ASH2L: variants seen among roughly 807,000 people sequenced by gnomAD.
ASH2L encodes the protein set1/Ash2 histone methyltransferase complex subunit ASH2.
Under a neutral mutation model 81.1 loss-of-function variants are expected in ASH2L, and 30 were observed. The ratio of observed to expected loss-of-function variants is 0.37; its 90% CI spans 0.28 to 0.50. The LOEUF (loss-of-function observed/expected upper bound fraction) is 0.50, where lower values mean the gene tolerates loss of function less well. ASH2L is among the 20% of genes least tolerant of loss of function. ASH2L has a pLI of 0.95. For missense variants in ASH2L, 559 were observed against 792.1 expected (o/e 0.71, Z 3.53); for synonymous variants, 273 against 279.9 (o/e 0.98, Z 0.24).
At chr8:38,116,624 T>A in intron 7 of ASH2L, 26 bp from the exon 8 acceptor site, 2 of 1,589,094 alleles carry the variant, frequency 1.3e-6, no homozygotes, top group Non-Finnish European at 8.6e-7. Context: ...CGTAGACTCC[T>A]TTTTTAATTG....
intron 7 of ASH2L, among the ~76,000 whole-genome samples, chr8:38,116,095 G>A: frequency 6.6e-6 from 1 of 152,122 alleles, no homozygotes; most frequent in East Asian, 1.9e-4. Flanking sequence ...AGGCATGGTG[G>A]CTCATGCCTG....
chr8:38,105,822 G>T lies in ASH2L; in HGVS notation c.188+84G>T, dbSNP rs1047964194. On this transcript the variant is annotated intron_variant, in intron 1 of 15. Transcript: ENST00000343823. ...CGCGGCTCCTGGAGCCCTGCCGCCC[G>T]CCCCCTGCGAACCCAGGCCCCGCCG... The T allele has an allele frequency of 2.1e-6, 3 of 1,456,876 alleles. No homozygotes were observed. In the African/African-American group the frequency reaches 4.4e-5, roughly 21 times the overall value. 90.2% of individuals were successfully genotyped at this position (1,456,876 alleles called of 1,614,324 possible).
At chr8:38,109,014 T>C (rs1470150667) in intron 3 of ASH2L, among the ~76,000 whole-genome samples, 2 of 151,776 alleles carry the variant, frequency 1.3e-5, no homozygotes, top group African/African-American at 4.8e-5. Context: ...CCCTGCAGGT[T>C]GAGGCTGCAG....
At chr8:38,138,168 T>A (rs1259476823) in intron 14 of ASH2L, 1 of 152,192 alleles carries the variant, frequency 6.6e-6, no homozygotes, top group Admixed American at 6.6e-5. Flanking sequence ...CAGTCCCAGC[T>A]ACTTGGGAAG....
intron 10 of ASH2L, among the ~76,000 whole-genome samples, chr8:38,128,051 A>AC (rs1035291212): frequency 1.6e-4 from 25 of 151,754 alleles, no homozygotes; most frequent in Non-Finnish European, 5.9e-5. Context: ...ATCTCAAAAA[A>AC]AAAAAGATAA....
chr8:38,118,039 A>G (rs1323296512), intron 8 of ASH2L, among the ~76,000 whole-genome samples: 4 of 152,248 alleles, frequency 2.6e-5, no homozygotes, highest in Non-Finnish European at 4.4e-5. Context: ...AGCTTGGGCA[A>G]CAGAGCAAGA....
intron 10 of ASH2L, among the ~76,000 whole-genome samples, chr8:38,121,455 C>G (rs897703671): frequency 6.7e-6 from 1 of 148,970 alleles, no homozygotes; most frequent in African/African-American, 2.5e-5. Context: ...TCTTTCTCAT[C>G]AAGCTTTTCC....
chr8:38,129,790 T>C (rs1026679428), intron 12 of ASH2L, among the ~76,000 whole-genome samples: 3 of 150,182 alleles, frequency 2.0e-5, no homozygotes, highest in African/African-American at 7.6e-5. Flanking sequence ...TTTTGCTGCA[T>C]ATATCTGTGC....
At chr8:38,114,406 T>A (rs1027000117) in intron 6 of ASH2L, 119 bp downstream of exon 6, 4 of 678,874 alleles carry the variant, frequency 5.9e-6, no homozygotes, top group Non-Finnish European at 7.4e-6. Flanking sequence ...GTTAAATCTT[T>A]GAGTGTGAGA....
chr8:38,105,957 G>C, intron 1 of ASH2L: 1 of 1,517,582 alleles, frequency 6.6e-7, no homozygotes, highest in Non-Finnish European at 8.8e-7. Context: ...GGCTCCTGTC[G>C]TTATCTCTGA....
chr8:38,110,376 C>T lies in ASH2L; in HGVS notation c.402-3C>T. ...TAATTCGTATAATTTGGCTCTTCGGCAGATCCTGTCTACCTTTCATGACCA... is the reference window on the plus strand; with the variant it reads ...TAATTCGTATAATTTGGCTCTTCGGTAGATCCTGTCTACCTTTCATGACCA... On this transcript the variant is annotated splice_region_variant and splice_polypyrimidine_tract_variant and intron_variant, in intron 3 of 15. Coordinates refer to ENST00000343823, the MANE Select transcript of ASH2L (RefSeq NM_004674.5). 6.2e-7 allele frequency: 1 copy of T among 1,613,022 alleles called. No individual in the cohort carries two copies. Among genetic ancestry groups the T allele is most frequent in the Non-Finnish European group, 8.5e-7 (1 of 1,178,984 alleles).
At chr8:38,131,351 T>G (rs1391720047) in intron 12 of ASH2L, among the ~76,000 whole-genome samples, 1 of 151,644 alleles carries the variant, frequency 6.6e-6, no homozygotes. Context: ...TTTTTTCCTT[T>G]AATTAAAAAA....
chr8:38,132,924 C>G (rs1280303502), intron 12 of ASH2L, among the ~76,000 whole-genome samples: 1 of 152,044 alleles, frequency 6.6e-6, no homozygotes, highest in African/African-American at 2.4e-5. Flanking sequence ...TAGTGAAACC[C>G]TGTCTCTACT....
intron 8 of ASH2L, chr8:38,117,494 C>T: frequency 1.0e-6 from 1 of 985,098 alleles, no homozygotes; most frequent in Non-Finnish European, 1.2e-6. Context: ...TGTCTTCTTT[C>T]AGCCTCTCAG....
At chr8:38,130,799 A>G (rs1474246212) in intron 12 of ASH2L, among the ~76,000 whole-genome samples, 1 of 151,882 alleles carries the variant, frequency 6.6e-6, no homozygotes, top group Non-Finnish European at 1.5e-5. Context: ...GGGTTTCACC[A>G]TGTTGGTCAG....
intron 13 of ASH2L, among the ~76,000 whole-genome samples, chr8:38,135,448 CAAAAAA>C (rs1025943709): frequency 1.1e-4 from 16 of 149,536 alleles, no homozygotes; most frequent in African/African-American, 3.7e-4. Context: ...GACCCTGTCT[CAAAAAA>C]GAAAAAAAAG....
At chr8:38,131,639 CTG>C (rs1802061159) in intron 12 of ASH2L, among the ~76,000 whole-genome samples, 1 of 152,226 alleles carries the variant, frequency 6.6e-6, no homozygotes, top group South Asian at 2.1e-4. Flanking sequence ...GAGAGCAAGA[CTG>C]TCTCAAAAAT....
At chr8:38,124,232 G>A (rs1355741344) in intron 10 of ASH2L, 2 of 151,628 alleles carry the variant, frequency 1.3e-5, no homozygotes, top group Admixed American at 1.3e-4. Context: ...TTTTAGAAAG[G>A]TTCTTGTTCT....
intron 7 of ASH2L, among the ~76,000 whole-genome samples, chr8:38,115,240 C>CT (rs537289051): frequency 3.3e-5 from 5 of 149,328 alleles, no homozygotes; most frequent in African/African-American, 4.9e-5. Context: ...CTTCAAATCA[C>CT]TTTTTTTTTT....
Sources: allele counts gnomAD v4.1 joint callset (sites outside exome capture counted in the v4.1 genomes callset), GRCh38; gene constraint gnomAD v4.1.1; transcripts MANE v1.5; gene names NCBI Gene and HGNC (gene_info 2026-07-23, HGNC 2026-07-21).